The following KCNQ4 variants were observed in gnomAD, a reference collection of about 807,000 sequenced individuals.
The protein encoded by KCNQ4 is potassium voltage-gated channel subfamily KQT member 4.
In KCNQ4, 31 loss-of-function variants were observed where a neutral mutation model predicts 72.6. The ratio of observed to expected loss-of-function variants is 0.43; its 90% CI spans 0.32 to 0.58. The LOEUF (loss-of-function observed/expected upper bound fraction) is 0.58. KCNQ4 is among the 20% of genes least tolerant of loss of function. The pLI, the probability that KCNQ4 is intolerant of heterozygous loss-of-function variation, is 0.08. For missense variants in KCNQ4, 869 were observed against 962.6 expected (o/e 0.90, Z 1.29); for synonymous variants, 405 against 403.7 (o/e 1.00, Z -0.04).
chr1:40,789,985 G>GC (rs1397212125), intron 1 of KCNQ4, among the ~76,000 whole-genome samples: 2 of 152,212 alleles, frequency 1.3e-5, no homozygotes, highest in African/African-American at 2.4e-5. Flanking sequence ...GGGCTATGGA[G>GC]CCCCCCAGCA....
At position 40,838,600 on chromosome 1, in the gene KCNQ4, C is replaced by G; in HGVS notation, c.*77C>G. The G allele has an allele frequency of 1.5e-6, 2 of 1,323,008 alleles. No homozygotes were observed. Among genetic ancestry groups the G allele is most frequent in the Non-Finnish European group, 2.2e-6 (2 of 917,958 alleles). The allele number at this position is 1,323,008 out of a possible 1,614,324, so 82.0% of individuals were successfully genotyped here. A position where few individuals can be genotyped will look rare whatever the true frequency, so the allele number is the denominator to read the frequency against. On this transcript the variant is annotated 3_prime_UTR_variant, in exon 14 of 14. Transcript: ENST00000347132. ...CCGACTGCCCTCTGAGGCCTCCGGA[C>G]TCCTCTCGTACTTGAACTCACTCCC...
rs1279005977 is a variant in KCNQ4, at chr1:40,784,501, C to G, written c.314+94C>G. ...CCGCCCTGGCTCCGCCTTCTACCCC[C>G]CTGCCTCAGGGCCGACCCTCATCTC... On this transcript the variant is annotated intron_variant, in intron 1 of 13. Coordinates refer to ENST00000347132, the MANE Select transcript of KCNQ4 (RefSeq NM_004700.4). This position sits in a 1 kb window ranked among gnomAD's most constrained non-coding sequence, Gnocchi z 4.1. The G allele has an allele frequency of 1.6e-5, 20 of 1,266,610 alleles. No individual in the cohort carries two copies. In the Admixed American group the frequency reaches 3.3e-4, roughly 21 times the overall value. The allele number at this position is 1,266,610 out of a possible 1,614,324, so 78.5% of individuals were successfully genotyped here.
intron 4 of KCNQ4, 71 bp from the exon 5 acceptor site, chr1:40,819,276 C>G (rs1648204014): frequency 6.3e-7 from 1 of 1,582,462 alleles, no homozygotes; most frequent in Non-Finnish European, 8.7e-7. Context: ...ATCCCTTTCC[C>G]GTGTGGAAGC....
chr1:40,786,031 G>C (rs952702066), intron 1 of KCNQ4, among the ~76,000 whole-genome samples: 1 of 152,180 alleles, frequency 6.6e-6, no homozygotes, highest in African/African-American at 2.4e-5. Flanking sequence ...GGGAGGCCTA[G>C]GATGAATATT....
intron 1 of KCNQ4, among the ~76,000 whole-genome samples, chr1:40,812,413 T>C (rs1647956681): frequency 1.3e-5 from 2 of 152,090 alleles, no homozygotes; most frequent in Admixed American, 1.3e-4. Flanking sequence ...CACACCCCCA[T>C]GCCTGGCTAA....
chr1:40,796,856 T>C (rs748737952), intron 1 of KCNQ4, among the ~76,000 whole-genome samples: 3 of 152,044 alleles, frequency 2.0e-5, no homozygotes, highest in Admixed American at 6.6e-5. Flanking sequence ...AGGTAGAGGT[T>C]GCAGTGAGCC....
intron 13 of KCNQ4, 28 bp from the exon 14 acceptor site, chr1:40,838,283 C>T (rs779818560): frequency 9.3e-6 from 15 of 1,608,390 alleles, no homozygotes; most frequent in Non-Finnish European, 1.2e-5. Flanking sequence ...GTCCCAGGCC[C>T]TGCTTCCCAG....
chr1:40,820,257 C>G lies in KCNQ4; in HGVS notation c.1038C>G (p.Ile346Met), dbSNP rs769840355. The G allele has an allele frequency of 6.2e-7, 1 of 1,602,206 alleles. No homozygotes were observed. The highest frequency in any genetic ancestry group is 1.7e-5 in the Admixed American group (1 of 58,622). ...GGAGGATGCCGGCAGCCAACCTCAT[C>G]CAGGTACAAGATGCCCGGGAAGAAG... Reference protein sequence around the residue: ...EKRRMPAANLIQAAWRLYSTD... With the variant: ...EKRRMPAANLMQAAWRLYSTD... Residue 346 changes from isoleucine (I) to methionine (M), a missense_variant, in exon 7 of 14, where the codon ATC becomes ATG. Ile to Met is a conservative substitution (Grantham distance 10). Around this residue, in one of 5 missense-constraint regions of KCNQ4, gnomAD observed 480 missense variants for 501.9 expected, o/e 0.96. Coordinates refer to ENST00000347132, the MANE Select transcript of KCNQ4 (RefSeq NM_004700.4).
Position 40,784,531 on chromosome 1 carries a change from C to A in KCNQ4, c.314+124C>A. The A allele has an allele frequency of 8.8e-6, 8 of 909,350 alleles. No individual in the cohort carries two copies. In the South Asian group the frequency reaches 1.1e-4, roughly 12 times the overall value. The allele number at this position is 909,350 out of a possible 1,614,324, so 56.3% of individuals were successfully genotyped here. On this transcript the variant is annotated intron_variant, in intron 1 of 13. Coordinates refer to ENST00000347132, the MANE Select transcript of KCNQ4 (RefSeq NM_004700.4). The surrounding 1 kb of genome is among the most constrained non-coding windows in gnomAD (Gnocchi z 4.1). ...CTCAGGGCCGACCCTCATCTCTCTC[C>A]CCCCAGGCCTAAGCCCGGTTTCTGA...
chr1:40,838,194 T>C, intron 13 of KCNQ4, 117 bp from the exon 14 acceptor site: 1 of 884,080 alleles, frequency 1.1e-6, no homozygotes. Context: ...GATTTGTGCT[T>C]CCCAGATAAG....
In KCNQ4 at chr1:40,817,172, C is replaced by A; in HGVS notation, c.315-93C>A. Reference sequence around the variant, plus strand: ...CACATAATTTTCTGAAAATAATGTTCTCCTCTCTTGGCTCTGTAACCCCCT... The same window carrying A: ...CACATAATTTTCTGAAAATAATGTTATCCTCTCTTGGCTCTGTAACCCCCT... On this transcript the variant is annotated intron_variant, in intron 1 of 13. Coordinates refer to ENST00000347132, the MANE Select transcript of KCNQ4 (RefSeq NM_004700.4). The surrounding 1 kb of genome is among the most constrained non-coding windows in gnomAD (Gnocchi z 5.5). 1 of 923,866 alleles carries A rather than the reference C, an allele frequency of 1.1e-6. No individual in the cohort carries two copies. The highest frequency in any genetic ancestry group is 1.8e-6 in the Non-Finnish European group (1 of 569,762). The allele number at this position is 923,866 out of a possible 1,614,324, so 57.2% of individuals were successfully genotyped here.
At chr1:40,829,188 C>T (rs1648566222) in intron 9 of KCNQ4, among the ~76,000 whole-genome samples, 1 of 152,262 alleles carries the variant, frequency 6.6e-6, no homozygotes, top group Non-Finnish European at 1.5e-5. Context: ...ACTCTCCTCT[C>T]TTCCTCTCCC....
rs80358277 is a variant in KCNQ4, at chr1:40,819,465, G to C, written c.827G>C (p.Trp276Ser). Reference protein sequence around the residue: ...DFSSYADSLWWGTITLTTIGY... With the variant: ...DFSSYADSLWSGTITLTTIGY... ...TCCTCCTACGCCGACTCGCTCTGGTGGGGGACGGTGCGTGAGGGTCTTTGT... is the reference window on the plus strand; with the variant it reads ...TCCTCCTACGCCGACTCGCTCTGGTCGGGGACGGTGCGTGAGGGTCTTTGT... Residue 276 changes from tryptophan (W) to serine (S), a missense_variant, in exon 5 of 14, where the codon TGG (tryptophan) becomes TCG (serine). Trp to Ser is a radical substitution (Grantham distance 177). Coordinates refer to ENST00000347132, the MANE Select transcript of KCNQ4 (RefSeq NM_004700.4). The C allele has an allele frequency of 1.2e-6, 2 of 1,613,692 alleles. No homozygotes were observed. Among genetic ancestry groups the C allele is most frequent in the Non-Finnish European group, 1.7e-6 (2 of 1,179,910 alleles).
intron 1 of KCNQ4, among the ~76,000 whole-genome samples, chr1:40,801,891 C>A (rs1382959500): frequency 6.6e-6 from 1 of 152,186 alleles, no homozygotes; most frequent in South Asian, 2.1e-4. Context: ...TTGCAAGGAC[C>A]CGACTTTGAT....
intron 9 of KCNQ4, among the ~76,000 whole-genome samples, chr1:40,825,325 G>A (rs971734942): frequency 2.6e-5 from 4 of 152,194 alleles, no homozygotes; most frequent in African/African-American, 9.7e-5. Context: ...GTGGAAGCTC[G>A]CCTCTGCCAC....
chr1:40,819,631 C>T (rs907675118), intron 5 of KCNQ4, among the ~76,000 whole-genome samples, 159 bp downstream of exon 5: 8 of 151,932 alleles, frequency 5.3e-5, no homozygotes, highest in Non-Finnish European at 1.2e-4. Context: ...CAATGCTAAC[C>T]CCCCAACCTG....
chr1:40,835,533 A>G (rs904356635), intron 12 of KCNQ4, among the ~76,000 whole-genome samples: 1 of 152,082 alleles, frequency 6.6e-6, no homozygotes, highest in African/African-American at 2.4e-5. Context: ...CCCAAGACCC[A>G]CATCACCTGC....
chr1:40,836,995 T>C (rs933400387), intron 12 of KCNQ4, among the ~76,000 whole-genome samples: 4 of 152,100 alleles, frequency 2.6e-5, no homozygotes, highest in Admixed American at 1.3e-4. Flanking sequence ...GTTCTAGCCT[T>C]GTCCACCCAC....
chr1:40,811,121 G>T (rs185001046), intron 1 of KCNQ4, among the ~76,000 whole-genome samples: 111 of 152,244 alleles, frequency 7.3e-4, no homozygotes, highest in Non-Finnish European at 2.1e-4. Flanking sequence ...GTCACTGTGA[G>T]AACTCATTAA....
Sources: allele counts gnomAD v4.1 joint callset (sites outside exome capture counted in the v4.1 genomes callset), GRCh38; gene constraint gnomAD v4.1.1; regional missense constraint gnomAD v4.1.1; non-coding constraint Gnocchi (gnomAD v3.1); transcripts MANE v1.5; gene names NCBI Gene and HGNC (gene_info 2026-07-23, HGNC 2026-07-21).